The following NELFA variants were observed in gnomAD, a reference collection of about 807,000 sequenced individuals.
NELFA encodes the protein negative elongation factor A.
Under a neutral mutation model 51.8 loss-of-function variants are expected in NELFA, and 35 were observed. The ratio of observed to expected loss-of-function variants is 0.68; its 90% CI spans 0.52 to 0.90. The LOEUF is 0.90. NELFA is among the 40% of genes least tolerant of loss of function. The probability of loss-of-function intolerance (pLI) is 0.00; values close to 1 mark genes in which losing one functional copy is unlikely to be tolerated. For missense variants in NELFA, 658 were observed against 746.4 expected (o/e 0.88, Z 1.38); for synonymous variants, 417 against 338.4 (o/e 1.23, Z -2.55).
chr4:1,983,037 TTG>T lies in NELFA; in HGVS notation c.*280_*281del. 1 of 325,482 alleles carries T rather than the reference TTG, an allele frequency of 3.1e-6. No individual in the cohort carries two copies. The highest frequency in any genetic ancestry group is 5.6e-6 in the Non-Finnish European group (1 of 180,018). 20.2% of individuals were successfully genotyped at this position (325,482 alleles called of 1,614,324 possible). ...CAGAGCTGTCACTAAAATTAGGAAG[TTG>T]TAACTTTTTTGGTTAATTTACTTAC... is the stretch of plus-strand genomic sequence containing the variant. On this transcript the variant is annotated 3_prime_UTR_variant, in exon 11 of 11. Coordinates refer to ENST00000382882, the MANE Select transcript of NELFA (RefSeq NM_005663.5).
intron 1 of NELFA, among the ~76,000 whole-genome samples, chr4:2,006,120 A>C (rs1401873329): frequency 6.6e-6 from 1 of 152,256 alleles, no homozygotes; most frequent in Non-Finnish European, 1.5e-5. Flanking sequence ...GAACCGACTT[A>C]GTGGGTTATT....
chr4:2,005,458 G>A (rs1229351614), intron 1 of NELFA, among the ~76,000 whole-genome samples: 1 of 152,138 alleles, frequency 6.6e-6, no homozygotes, highest in Non-Finnish European at 1.5e-5. Flanking sequence ...AAATCAGGCT[G>A]GGCATAGTGG....
intron 1 of NELFA, chr4:1,992,469 C>T (rs1221196687): frequency 6.9e-6 from 3 of 436,250 alleles, no homozygotes; most frequent in African/African-American, 2.0e-5. Context: ...CACGAGGAAA[C>T]GCAGAGAGCC....
At chr4:1,990,495 G>A (rs1182126820) in intron 2 of NELFA, 6 of 456,602 alleles carry the variant, frequency 1.3e-5, no homozygotes, top group Admixed American at 7.0e-5. Flanking sequence ...CCTGAGACAC[G>A]AACGGGTGGG....
intron 1 of NELFA, among the ~76,000 whole-genome samples, chr4:2,001,399 C>T (rs1728562852): frequency 6.6e-6 from 1 of 152,148 alleles, no homozygotes; most frequent in South Asian, 2.1e-4. Context: ...TAGAAAACCC[C>T]ATCAACTCAG....
intron 1 of NELFA, chr4:1,992,523 G>C (rs530935606): frequency 2.4e-6 from 1 of 410,850 alleles, no homozygotes; most frequent in East Asian, 9.5e-5. Context: ...CCACTGGGCT[G>C]CTCACAGTGT....
chr4:2,008,352 G>A (rs1728768511), intron 1 of NELFA, among the ~76,000 whole-genome samples: 1 of 151,782 alleles, frequency 6.6e-6, no homozygotes, highest in South Asian at 2.1e-4. Context: ...GGGGGTCGTA[G>A]CGAGAACCCG....
rs757474953 is a variant in NELFA at position 2,008,873 on chromosome 4, G to A, written c.87C>T (p.Ile29=). 1.3e-6 allele frequency: 2 copies of A among 1,598,332 alleles called. No individual in the cohort carries two copies. The highest frequency in any genetic ancestry group is 2.7e-5 in the African/African-American group (2 of 74,826). The change falls in exon 1 of 11, where the codon ATC becomes ATT. Residue 29 remains isoleucine (I), a synonymous_variant. Coordinates refer to ENST00000382882, the MANE Select transcript of NELFA (RefSeq NM_005663.5). ...TGACCGCGGCCGTGAGCAGGGACGCGATGCTGGGCGGCGCCCACAGCTCGT... is the reference window on the plus strand; with the variant it reads ...TGACCGCGGCCGTGAGCAGGGACGCAATGCTGGGCGGCGCCCACAGCTCGT... ...ATDELWAPPS[I]ASLLTAAVID...
intron 1 of NELFA, among the ~76,000 whole-genome samples, chr4:2,000,215 A>G (rs1318371469): frequency 1.3e-5 from 2 of 152,110 alleles, no homozygotes; most frequent in African/African-American, 4.8e-5. Flanking sequence ...TAACATCACA[A>G]TTAAAAGACC....
At chr4:1,998,523 G>A (rs1235799428) in intron 1 of NELFA, among the ~76,000 whole-genome samples, 4 of 152,074 alleles carry the variant, frequency 2.6e-5, no homozygotes, top group African/African-American at 4.8e-5. Flanking sequence ...ATTAACAGCC[G>A]AATCCACAAA....
chr4:1,999,876 T>G (rs1348794867), intron 1 of NELFA, among the ~76,000 whole-genome samples: 1 of 152,002 alleles, frequency 6.6e-6, no homozygotes. Context: ...AAATCGACCA[T>G]GTAATTAACT....
chr4:1,994,664 G>T (rs1000167731), intron 1 of NELFA, among the ~76,000 whole-genome samples: 9 of 151,826 alleles, frequency 5.9e-5, no homozygotes, highest in Non-Finnish European at 1.2e-4. Context: ...GACCATCCTG[G>T]CTAACACAGT....
chr4:1,985,521 T>G (rs112523164), intron 7 of NELFA, among the ~76,000 whole-genome samples: 274 of 152,188 alleles, frequency 1.8e-3, no homozygotes, highest in African/African-American at 6.3e-3. Flanking sequence ...AGGCACAGGG[T>G]TGAGGAGGAC....
chr4:2,008,839 T>A lies in NELFA; in HGVS notation c.121A>T (p.Ile41Phe). Residue 41 changes from isoleucine (I) to phenylalanine (F), a missense_variant, in exon 1 of 11, where the codon ATC becomes TTC. Physicochemically the swap from Ile to Phe is conservative, Grantham distance 21 (BLOSUM62 0). Around this residue, in one of 3 missense-constraint regions of NELFA, gnomAD observed 371 missense variants for 448.3 expected, o/e 0.83. Coordinates refer to ENST00000382882, the MANE Select transcript of NELFA (RefSeq NM_005663.5). ...GAGAGGCCATGGAAGCAGAGACGGA[T>A]GTTGTCGATGACCGCGGCCGTGAGC... is the stretch of plus-strand genomic sequence containing the variant. ...SLLTAAVIDNIRLCFHGLSSA... is the reference protein window; with the variant it reads ...SLLTAAVIDNFRLCFHGLSSA... 1 of 1,608,400 alleles carries A rather than the reference T, an allele frequency of 6.2e-7. No individual in the cohort carries two copies. Among genetic ancestry groups the A allele is most frequent in the Non-Finnish European group, 8.5e-7 (1 of 1,177,648 alleles).
chr4:1,993,356 C>T (rs1483855105), intron 1 of NELFA, among the ~76,000 whole-genome samples: 1 of 151,986 alleles, frequency 6.6e-6, no homozygotes, highest in Non-Finnish European at 1.5e-5. Flanking sequence ...CAGAGGCGGG[C>T]GGCTCACGAG....
intron 1 of NELFA, among the ~76,000 whole-genome samples, chr4:2,008,545 G>A (rs1205371463): frequency 6.9e-6 from 1 of 145,962 alleles, no homozygotes; most frequent in African/African-American, 2.5e-5. Context: ...CGAGGCGGGG[G>A]ATGAGGACCC....
At chr4:2,000,070 C>G (rs1728531345) in intron 1 of NELFA, among the ~76,000 whole-genome samples, 1 of 152,132 alleles carries the variant, frequency 6.6e-6, no homozygotes, top group African/African-American at 2.4e-5. Context: ...TTCTTTGAAA[C>G]CAATGAGAAC....
chr4:1,984,928 C>CA lies in NELFA; in HGVS notation c.925-10dup, dbSNP rs577653751. 303 of 1,555,626 alleles carry CA rather than the reference C, an allele frequency of 1.9e-4. 2 individuals are homozygous for CA. The African/African-American group carries it at 3.7e-3, about 19-fold the overall frequency. On this transcript the variant is annotated splice_polypyrimidine_tract_variant and intron_variant, in intron 7 of 10. Coordinates refer to ENST00000382882, the MANE Select transcript of NELFA (RefSeq NM_005663.5). ...TTCAGGGACCCAAGTTTCTGGAACACAGAGTTTAAGGTTCCTTCCAGAAGA... is the reference window on the plus strand; with the variant it reads ...TTCAGGGACCCAAGTTTCTGGAACACAAGAGTTTAAGGTTCCTTCCAGAAGA...
intron 1 of NELFA, among the ~76,000 whole-genome samples, chr4:1,992,943 G>C (rs907053352): frequency 2.6e-5 from 4 of 152,172 alleles, no homozygotes; most frequent in African/African-American, 9.7e-5. Flanking sequence ...TGTCGCCCCG[G>C]CCGCTGACCC....
Sources: allele counts gnomAD v4.1 joint callset (sites outside exome capture counted in the v4.1 genomes callset), GRCh38; gene constraint gnomAD v4.1.1; regional missense constraint gnomAD v4.1.1; transcripts MANE v1.5; gene names NCBI Gene and HGNC (gene_info 2026-07-23, HGNC 2026-07-21).